Variants in STX8 observed in about 807,000 individuals in gnomAD.
The protein encoded by STX8 is syntaxin 8, also known as syntaxin-8.
Under a neutral mutation model 37.5 loss-of-function variants are expected in STX8, and 23 were observed. That is an observed-to-expected ratio of 0.61 (90% CI 0.44 to 0.87). The LOEUF (loss-of-function observed/expected upper bound fraction) is 0.87, where lower values mean the gene tolerates loss of function less well. Ranked by LOEUF, STX8 falls within the 40% of genes least tolerant of loss-of-function variation. The pLI is 0.00. For missense variants in STX8, 313 were observed against 284.7 expected, an observed-to-expected ratio of 1.10 and a Z score of -0.71; for synonymous variants, 115 against 99.1, an observed-to-expected ratio of 1.16 and a Z score of -0.95.
chr17:9,281,048 G>A (rs1907862813), intron 7 of STX8, among the ~76,000 whole-genome samples: 1 of 152,160 alleles, frequency 6.6e-6, no homozygotes, highest in South Asian at 2.1e-4. Context: ...GGCTCTGAGA[G>A]GTTTCAGCGG....
At chr17:9,529,673 T>C (rs1435048380) in intron 4 of STX8, among the ~76,000 whole-genome samples, 1 of 152,246 alleles carries the variant, frequency 6.6e-6, no homozygotes, top group Non-Finnish European at 1.5e-5. Flanking sequence ...TAAACTCTTC[T>C]GTCTGACATG....
intron 4 of STX8, among the ~76,000 whole-genome samples, chr17:9,536,794 A>C (rs1318488638): frequency 6.6e-6 from 1 of 151,062 alleles, no homozygotes; most frequent in Non-Finnish European, 1.5e-5. Flanking sequence ...CCCAAGCTGG[A>C]GTGCAGTGGC....
intron 7 of STX8, among the ~76,000 whole-genome samples, chr17:9,297,304 G>A (rs796391837): frequency 8.6e-5 from 13 of 151,430 alleles, no homozygotes; most frequent in African/African-American, 3.1e-4. Context: ...GGTTTAGTGA[G>A]TATAGAAACT....
intron 6 of STX8, among the ~76,000 whole-genome samples, chr17:9,424,743 C>T (rs1913564651): frequency 6.6e-6 from 1 of 152,136 alleles, no homozygotes; most frequent in African/African-American, 2.4e-5. Context: ...CAAAAAGTTA[C>T]AAACAGATTT....
intron 4 of STX8, among the ~76,000 whole-genome samples, chr17:9,517,927 T>C (rs902373209): frequency 2.0e-5 from 3 of 151,778 alleles, no homozygotes; most frequent in Admixed American, 6.6e-5. Flanking sequence ...GGACCAGGAA[T>C]GTGTACCACA....
chr17:9,438,241 A>AG (rs891845635), intron 6 of STX8, among the ~76,000 whole-genome samples: 10 of 71,868 alleles, frequency 1.4e-4, no homozygotes, highest in African/African-American at 6.1e-4. Flanking sequence ...ACTCCATCTC[A>AG]AAAAAAAAAA....
intron 4 of STX8, among the ~76,000 whole-genome samples, chr17:9,524,864 G>A (rs1905501396): frequency 2.7e-5 from 4 of 150,434 alleles, no homozygotes; most frequent in Admixed American, 2.6e-4. Context: ...CTGGAGTGCA[G>A]TGGCACAATC....
At chr17:9,420,727 T>C (rs1419796992) in intron 6 of STX8, among the ~76,000 whole-genome samples, 2 of 152,184 alleles carry the variant, frequency 1.3e-5, no homozygotes. Flanking sequence ...GCGCGATTAT[T>C]ACGGGGACAG....
chr17:9,530,268 G>A (rs1414843353), intron 4 of STX8, among the ~76,000 whole-genome samples: 3 of 147,366 alleles, frequency 2.0e-5, no homozygotes, highest in South Asian at 2.2e-4. Context: ...CCGAGATCGC[G>A]CCACTGCACC....
intron 7 of STX8, among the ~76,000 whole-genome samples, chr17:9,282,001 T>C (rs551692339): frequency 1.3e-5 from 2 of 152,204 alleles, no homozygotes; most frequent in Non-Finnish European, 2.9e-5. Flanking sequence ...TCCTGGGGCC[T>C]TCTCCCCACT....
rs544612303 is a variant in STX8, at chr17:9,548,093, ATTCT to A, written c.213-2815_213-2812del. ...TGAGCCACTTCACCTGACCTTATACATTCTTTCTTTATTATTATTATTATTTTTT... is the reference window on the plus strand; with the variant it reads ...TGAGCCACTTCACCTGACCTTATACATTCTTTATTATTATTATTATTTTTT... On this transcript the variant is annotated intron_variant, in intron 3 of 7. Transcript: ENST00000306357. Among the ~76,000 whole-genome samples the A allele has an allele frequency of 1.7e-3, 252 of 147,176 alleles. 1 individual carries two copies. The highest frequency in any genetic ancestry group is 4.1e-3 in the South Asian group (19 of 4,608).
intron 5 of STX8, among the ~76,000 whole-genome samples, chr17:9,504,061 G>A (rs771291155): frequency 8.6e-5 from 13 of 151,640 alleles, no homozygotes; most frequent in Admixed American, 6.6e-4. Flanking sequence ...ACCACACCCA[G>A]CCGACACATA....
At chr17:9,375,143 C>CT (rs1488285840) in intron 7 of STX8, among the ~76,000 whole-genome samples, 1 of 151,228 alleles carries the variant, frequency 6.6e-6, no homozygotes, top group Non-Finnish European at 1.5e-5. Flanking sequence ...GAACTTCTCC[C>CT]TTTTGAATCA....
intron 6 of STX8, among the ~76,000 whole-genome samples, chr17:9,379,798 G>A (rs371280371): frequency 2.6e-4 from 40 of 151,872 alleles, no homozygotes; most frequent in African/African-American, 9.7e-4. Context: ...GTGAAACCCC[G>A]TCTCTACCAA....
At chr17:9,312,724 G>A (rs1206240909) in intron 7 of STX8, among the ~76,000 whole-genome samples, 1 of 152,186 alleles carries the variant, frequency 6.6e-6, no homozygotes, top group Non-Finnish European at 1.5e-5. Context: ...AAAGTGGAAT[G>A]ACAGGTGGTT....
chr17:9,545,959 G>C (rs1906492293), intron 3 of STX8, among the ~76,000 whole-genome samples: 1 of 152,190 alleles, frequency 6.6e-6, no homozygotes, highest in Admixed American at 6.5e-5. Context: ...TGAGTTATAT[G>C]TGTGTGTCAG....
chr17:9,507,437 C>T lies in STX8; in HGVS notation c.324-2275G>A, dbSNP rs1175312998. 6.6e-6 allele frequency among the ~76,000 whole-genome samples: 1 copy of T among 152,240 alleles called. No homozygotes were observed. The highest frequency in any genetic ancestry group is 2.4e-5 in the African/African-American group (1 of 41,460). ...AGGCCACTCCTGGCAGACATGCCCCCGGGGCCATCAAGCAGACTTATGCCC... is the reference window on the plus strand; with the variant it reads ...AGGCCACTCCTGGCAGACATGCCCCTGGGGCCATCAAGCAGACTTATGCCC... On this transcript the variant is annotated intron_variant, in intron 4 of 7. Transcript: ENST00000306357. The surrounding 1 kb of genome is among the most constrained non-coding windows in gnomAD (Gnocchi z 4.0).
At chr17:9,525,807 G>T (rs540608700) in intron 4 of STX8, among the ~76,000 whole-genome samples, 53 of 152,290 alleles carry the variant, frequency 3.5e-4, no homozygotes, top group African/African-American at 1.2e-3. Flanking sequence ...TGCTAAGACG[G>T]TGAGTGCTAT....
At chr17:9,284,251 G>A (rs1261985297) in intron 7 of STX8, among the ~76,000 whole-genome samples, 1 of 152,178 alleles carries the variant, frequency 6.6e-6, no homozygotes, top group East Asian at 1.9e-4. Flanking sequence ...ATGTACAATT[G>A]TATGGTTTGT....
Sources: gnomAD v4.1 joint callset for allele counts (sites outside exome capture counted in the v4.1 genomes callset) on GRCh38, gnomAD v4.1.1 for gene constraint, Gnocchi (gnomAD v3.1) non-coding constraint, MANE v1.5 for transcripts, NCBI Gene and HGNC (gene_info 2026-07-23, HGNC 2026-07-21) for gene names.